Variants in TTC28 observed in about 807,000 individuals in gnomAD.
TTC28 encodes the protein tetratricopeptide repeat protein 28.
Under a neutral mutation model 198.0 loss-of-function variants are expected in TTC28, and 61 were observed. That is an observed-to-expected ratio of 0.31 (90% CI 0.25 to 0.38). The LOEUF (loss-of-function observed/expected upper bound fraction) is 0.38, where lower values mean the gene tolerates loss of function less well. TTC28 is among the 10% of genes least tolerant of loss of function. The probability of loss-of-function intolerance (pLI) is 1.00; values close to 1 mark genes in which losing one functional copy is unlikely to be tolerated. For missense variants in TTC28, 2,678 were observed against 3,164.0 expected (o/e 0.85, Z 3.69); for synonymous variants, 1,171 against 1,297.8 (o/e 0.90, Z 2.10).
chr22:28,459,571 A>T (rs891842724), intron 2 of TTC28, among the ~76,000 whole-genome samples: 4 of 152,198 alleles, frequency 2.6e-5, no homozygotes, highest in Non-Finnish European at 5.9e-5. Context: ...AGCCACCCAC[A>T]TCCCAAGACC....
At chr22:28,553,185 T>C (rs546259484) in intron 2 of TTC28, among the ~76,000 whole-genome samples, 3 of 152,214 alleles carry the variant, frequency 2.0e-5, no homozygotes, top group East Asian at 1.9e-4. Context: ...AGTGCCAAGA[T>C]TGCAGCCTCT....
intron 6 of TTC28, among the ~76,000 whole-genome samples, chr22:28,139,102 G>A (rs1386312225): frequency 2.6e-5 from 4 of 152,126 alleles, no homozygotes; most frequent in Non-Finnish European, 5.9e-5. Flanking sequence ...AGGAGATGGA[G>A]TATAAACATG....
intron 2 of TTC28, among the ~76,000 whole-genome samples, chr22:28,580,275 A>C (rs1261697876): frequency 6.6e-6 from 1 of 152,204 alleles, no homozygotes; most frequent in African/African-American, 2.4e-5. Flanking sequence ...TTATTAAGGT[A>C]CCATACCATC....
chr22:28,166,887 G>T (rs2147068866), intron 5 of TTC28, among the ~76,000 whole-genome samples: 1 of 152,180 alleles, frequency 6.6e-6, no homozygotes, highest in East Asian at 1.9e-4. Flanking sequence ...TCCAGGAGCT[G>T]GTTTTTGAAA....
intron 2 of TTC28, among the ~76,000 whole-genome samples, chr22:28,438,126 T>C (rs2047551698): frequency 6.6e-6 from 1 of 152,214 alleles, no homozygotes; most frequent in African/African-American, 2.4e-5. Flanking sequence ...CCACAATACT[T>C]ATTTTTAAAG....
intron 5 of TTC28, among the ~76,000 whole-genome samples, chr22:28,295,490 G>A (rs1472003646): frequency 6.6e-6 from 1 of 152,028 alleles, no homozygotes; most frequent in Non-Finnish European, 1.5e-5. Flanking sequence ...ACTGTGTTTG[G>A]AATAAATAGA....
intron 2 of TTC28, among the ~76,000 whole-genome samples, chr22:28,394,095 G>C (rs1054976810): frequency 1.3e-5 from 2 of 151,970 alleles, no homozygotes; most frequent in Non-Finnish European, 2.9e-5. Flanking sequence ...ACTCTTTTTT[G>C]TGCATTTTTA....
chr22:28,574,643 C>T (rs1308970014), intron 2 of TTC28, among the ~76,000 whole-genome samples: 3 of 152,218 alleles, frequency 2.0e-5, no homozygotes, highest in South Asian at 2.1e-4. Context: ...TTCCCACAAA[C>T]GGTGTATGCG....
intron 2 of TTC28, among the ~76,000 whole-genome samples, chr22:28,592,301 T>C: frequency 6.6e-6 from 1 of 152,018 alleles, no homozygotes; most frequent in Non-Finnish European, 1.5e-5. Context: ...CAGTGAGCTA[T>C]GATCATACCA....
intron 1 of TTC28, among the ~76,000 whole-genome samples, chr22:28,670,838 A>G (rs932652020): frequency 2.0e-5 from 3 of 151,912 alleles, no homozygotes; most frequent in Non-Finnish European, 4.4e-5. Context: ...TGAGAGCTCC[A>G]ATTTCTCCAC....
intron 6 of TTC28, among the ~76,000 whole-genome samples, chr22:28,144,227 C>G (rs753805675): frequency 1.3e-5 from 2 of 152,222 alleles, no homozygotes; most frequent in Non-Finnish European, 2.9e-5. Flanking sequence ...CCAGGCCACA[C>G]AGCTCATAAA....
chr22:28,300,927 T>C lies in TTC28; in HGVS notation c.530-3075A>G, dbSNP rs1178328765. ...CAGACACCTGTATTTAAAAGTCACATAGCCTCAGTCTCTCACTTGGTCAAA... is the reference window on the plus strand; with the variant it reads ...CAGACACCTGTATTTAAAAGTCACACAGCCTCAGTCTCTCACTTGGTCAAA... On this transcript the variant is annotated intron_variant, in intron 3 of 22. Transcript: ENST00000397906. Among the ~76,000 whole-genome samples the C allele has an allele frequency of 2.0e-5, 3 of 152,204 alleles. No individual in the cohort carries two copies. In the East Asian group the frequency reaches 5.8e-4, roughly 29 times the overall value.
chr22:28,432,137 T>A (rs528646739), intron 2 of TTC28, among the ~76,000 whole-genome samples: 1 of 151,340 alleles, frequency 6.6e-6, no homozygotes, highest in Admixed American at 6.6e-5. Flanking sequence ...TACAAAAAAA[T>A]TAGCCAGGCG....
At chr22:28,389,038 G>C (rs565812777) in intron 2 of TTC28, among the ~76,000 whole-genome samples, 319 of 152,076 alleles carry the variant, frequency 2.1e-3, no homozygotes, top group East Asian at 5.2e-3. Context: ...TTTATTGAGA[G>C]TTTTTAGCAT....
intron 2 of TTC28, among the ~76,000 whole-genome samples, chr22:28,347,360 T>C (rs1174939432): frequency 2.0e-5 from 3 of 152,190 alleles, no homozygotes; most frequent in African/African-American, 4.8e-5. Flanking sequence ...CAGTTACTTC[T>C]ACTCCTCTCC....
intron 2 of TTC28, among the ~76,000 whole-genome samples, chr22:28,319,239 G>A (rs2045405463): frequency 6.6e-6 from 1 of 152,218 alleles, no homozygotes; most frequent in East Asian, 1.9e-4. Flanking sequence ...ACCCTGTTCA[G>A]GTCCCTTCCT....
chr22:28,118,501 T>C (rs1445445985), intron 6 of TTC28, among the ~76,000 whole-genome samples: 1 of 152,216 alleles, frequency 6.6e-6, no homozygotes, highest in Non-Finnish European at 1.5e-5. Flanking sequence ...TAATACCATA[T>C]TTTTAGCATA....
In TTC28 at chr22:28,296,083, T is replaced by G. The variant is rs956216985; in HGVS notation, c.933+115A>C. 3.3e-5 allele frequency: 38 copies of G among 1,154,176 alleles called. No homozygotes were observed. The East Asian group carries it at 9.9e-4, about 30-fold the overall frequency. 71.5% of individuals were successfully genotyped at this position (1,154,176 alleles called of 1,614,324 possible). A position where few individuals can be genotyped will look rare whatever the true frequency, so the allele number is the denominator to read the frequency against. ...GAATCAGTAAGTCTCAAGTAATACT[T>G]TCTTCTGAAAGTAATATTTTAAGAT... On this transcript the variant is annotated intron_variant, in intron 5 of 22. Transcript: ENST00000397906.
chr22:28,600,312 G>A (rs1007913758), intron 2 of TTC28, among the ~76,000 whole-genome samples: 1 of 152,066 alleles, frequency 6.6e-6, no homozygotes, highest in Non-Finnish European at 1.5e-5. Flanking sequence ...GGCTAAGGTC[G>A]GGGGGTTGCT....
Sources: gnomAD v4.1 joint callset for allele counts (sites outside exome capture counted in the v4.1 genomes callset) on GRCh38, gnomAD v4.1.1 for gene constraint, MANE v1.5 for transcripts, NCBI Gene and HGNC (gene_info 2026-07-23, HGNC 2026-07-21) for gene names.